Variants in PTBP2 observed in about 807,000 individuals in gnomAD.
PTBP2 encodes polypyrimidine tract-binding protein 2.
A neutral mutation model predicts 61.4 loss-of-function variants in PTBP2; 13 were observed. The observed-to-expected ratio is 0.21, with a 90% CI of 0.14 to 0.34. The LOEUF (loss-of-function observed/expected upper bound fraction) is 0.34. PTBP2 is among the 10% of genes least tolerant of loss of function. PTBP2 has a pLI of 1.00. For synonymous variants in PTBP2, 215 were observed against 218.5 expected, an observed-to-expected ratio of 0.98 and a Z score of 0.14; for missense variants, 405 against 642.6, an observed-to-expected ratio of 0.63 and a Z score of 4.00.
chr1:96,806,051 TG>T (rs1661471031), intron 9 of PTBP2, among the ~76,000 whole-genome samples: 1 of 152,200 alleles, frequency 6.6e-6, no homozygotes, highest in Non-Finnish European at 1.5e-5. Flanking sequence ...ATTTTGTTTT[TG>T]TTCCCCAATT....
chr1:96,746,760 G>A (rs941750643), intron 2 of PTBP2, among the ~76,000 whole-genome samples: 1 of 148,452 alleles, frequency 6.7e-6, no homozygotes, highest in African/African-American at 2.5e-5. Context: ...TTGGTTATTT[G>A]TGTTGCTGGT....
chr1:96,727,607 T>A (rs1418078741), intron 2 of PTBP2, among the ~76,000 whole-genome samples: 2 of 152,228 alleles, frequency 1.3e-5, no homozygotes, highest in East Asian at 3.8e-4. Flanking sequence ...TGAAGTGATA[T>A]TTCACTGTGG....
At chr1:96,726,602 T>G (rs1213220902) in intron 2 of PTBP2, among the ~76,000 whole-genome samples, 2 of 152,128 alleles carry the variant, frequency 1.3e-5, no homozygotes, top group Non-Finnish European at 2.9e-5. Flanking sequence ...CACGCCTGGC[T>G]TCTTTTTTGT....
chr1:96,727,655 C>T (rs756742977), intron 2 of PTBP2, among the ~76,000 whole-genome samples: 10 of 152,008 alleles, frequency 6.6e-5, no homozygotes, highest in Admixed American at 2.0e-4. Flanking sequence ...TGATGTTGGA[C>T]ATCTTTTCGT....
At chr1:96,822,061 T>TA (rs904854099) in exon 14 of PTBP2, 1 of 152,208 alleles carries the variant, frequency 6.6e-6, no homozygotes, top group Non-Finnish European at 1.5e-5. Context: ...TTTTTGCCGT[T>TA]AAAATTAGAA....
At chr1:96,758,880 A>G (rs993735133) in intron 3 of PTBP2, among the ~76,000 whole-genome samples, 6 of 152,198 alleles carry the variant, frequency 3.9e-5, no homozygotes, top group Non-Finnish European at 5.9e-5. Flanking sequence ...TCACCATTCA[A>G]CATGCTTTTT....
intron 5 of PTBP2, 49 bp downstream of exon 5, chr1:96,770,900 A>G: frequency 1.4e-6 from 2 of 1,448,318 alleles, no homozygotes; most frequent in Non-Finnish European, 1.9e-6. Context: ...CATATTATGA[A>G]TCTCATAAAC....
chr1:96,740,417 G>C (rs1652844366), intron 2 of PTBP2, among the ~76,000 whole-genome samples: 1 of 152,074 alleles, frequency 6.6e-6, no homozygotes, highest in South Asian at 2.1e-4. Context: ...TTCTCATAAA[G>C]GCATTAATCC....
Position 96,813,019 on chromosome 1 carries a change from A to G in PTBP2, c.1389-10A>G. The G allele has an allele frequency of 1.2e-6, 2 of 1,609,480 alleles. No homozygotes were observed. The highest frequency in any genetic ancestry group is 1.7e-6 in the Non-Finnish European group (2 of 1,176,210). ...AATCTTCACTTTTTCTTCCCATTCA[A>G]TTTTCCTAGTCCATCAGTAGCAGAA... On this transcript the variant is annotated splice_polypyrimidine_tract_variant and intron_variant, in intron 12 of 13. Coordinates refer to ENST00000674951, the MANE Select transcript of PTBP2 (RefSeq NM_021190.4).
chr1:96,763,415 A>G (rs1656260063), intron 3 of PTBP2, among the ~76,000 whole-genome samples: 1 of 151,942 alleles, frequency 6.6e-6, no homozygotes, highest in African/African-American at 2.4e-5. Context: ...GTCTCCACCA[A>G]AAAAATACGA....
At chr1:96,806,633 T>A (rs1661516397) in intron 10 of PTBP2, among the ~76,000 whole-genome samples, 181 bp downstream of exon 10, 1 of 152,158 alleles carries the variant, frequency 6.6e-6, no homozygotes, top group Non-Finnish European at 1.5e-5. Context: ...TTATTTTGCA[T>A]GGTCTTTAAT....
At chr1:96,797,208 A>G (rs1660481244) in intron 8 of PTBP2, among the ~76,000 whole-genome samples, 1 of 152,160 alleles carries the variant, frequency 6.6e-6, no homozygotes, top group African/African-American at 2.4e-5. Context: ...TGAAAGTAAC[A>G]TTGTGCGGTG....
intron 8 of PTBP2, among the ~76,000 whole-genome samples, chr1:96,795,223 C>T (rs768323346): frequency 6.6e-6 from 1 of 151,994 alleles, no homozygotes; most frequent in Non-Finnish European, 1.5e-5. Flanking sequence ...AAAATGGAGA[C>T]TAGGAATAAC....
chr1:96,770,203 T>C (rs1409199512), intron 4 of PTBP2, among the ~76,000 whole-genome samples: 1 of 152,038 alleles, frequency 6.6e-6, no homozygotes, highest in Non-Finnish European at 1.5e-5. Context: ...AGTCGCATCT[T>C]TCCTTAAGCT....
At chr1:96,789,909 C>T (rs1043207355) in intron 8 of PTBP2, among the ~76,000 whole-genome samples, 5 of 152,044 alleles carry the variant, frequency 3.3e-5, no homozygotes, top group Admixed American at 2.0e-4. Flanking sequence ...ATTACACTTA[C>T]CAGAATTGAC....
chr1:96,748,400 T>C (rs1258835175), intron 2 of PTBP2, among the ~76,000 whole-genome samples: 1 of 151,992 alleles, frequency 6.6e-6, no homozygotes, highest in Admixed American at 6.6e-5. Flanking sequence ...TTGAAATGAG[T>C]GCTAAATGGC....
At chr1:96,728,887 A>G (rs1299788171) in intron 2 of PTBP2, among the ~76,000 whole-genome samples, 4 of 146,280 alleles carry the variant, frequency 2.7e-5, no homozygotes, top group Non-Finnish European at 6.0e-5. Flanking sequence ...TATTTTATGT[A>G]TTTTGAAGTA....
intron 8 of PTBP2, among the ~76,000 whole-genome samples, chr1:96,798,737 A>G (rs1158066694): frequency 6.6e-6 from 1 of 152,208 alleles, no homozygotes; most frequent in Non-Finnish European, 1.5e-5. Context: ...TGATTTATCG[A>G]TATTGGTTGA....
At position 96,813,780 on chromosome 1, in the gene PTBP2, G is replaced by A; in HGVS notation, c.*375G>A. ...AGGAATTGGTTGTTTAGGGCACACTGTTATATGGGAATTAAAATATGTTTA... is the reference window on the plus strand; with the variant it reads ...AGGAATTGGTTGTTTAGGGCACACTATTATATGGGAATTAAAATATGTTTA... On this transcript the variant is annotated 3_prime_UTR_variant, in exon 14 of 14. Transcript: ENST00000674951. 6.5e-6 allele frequency: 1 copy of A among 154,332 alleles called. No homozygotes were observed. The highest frequency in any genetic ancestry group is 1.9e-4 in the East Asian group (1 of 5,320). 9.6% of individuals were successfully genotyped at this position (154,332 alleles called of 1,614,324 possible).
Sources: allele counts gnomAD v4.1 joint callset (sites outside exome capture counted in the v4.1 genomes callset), GRCh38; gene constraint gnomAD v4.1.1; transcripts MANE v1.5; gene names NCBI Gene and HGNC (gene_info 2026-07-23, HGNC 2026-07-21).